The following SCN1A variants were observed in gnomAD, a reference collection of about 807,000 sequenced individuals.
SCN1A encodes sodium channel protein type 1 subunit alpha.
Under a neutral mutation model 193.7 loss-of-function variants are expected in SCN1A, and 13 were observed. The observed-to-expected ratio is 0.07, with a 90% CI of 0.04 to 0.11. The LOEUF is 0.11. SCN1A is among the 10% of genes least tolerant of loss of function. SCN1A has a pLI of 1.00. For missense variants in SCN1A, 1,432 were observed against 2,451.1 expected, an observed-to-expected ratio of 0.58 and a Z score of 8.78; for synonymous variants, 781 against 843.6, an observed-to-expected ratio of 0.93 and a Z score of 1.29.
At chr2:166,107,518 G>T (rs1688827704) in intron 2 of SCN1A, among the ~76,000 whole-genome samples, 1 of 152,050 alleles carries the variant, frequency 6.6e-6, no homozygotes, top group Non-Finnish European at 1.5e-5. Flanking sequence ...AACATTGTAT[G>T]GTAAATGTAA....
At chr2:166,108,823 G>T (rs1024080178) in intron 2 of SCN1A, among the ~76,000 whole-genome samples, 16 of 152,262 alleles carry the variant, frequency 1.1e-4, no homozygotes, top group African/African-American at 3.1e-4. Flanking sequence ...GTGACTACAA[G>T]TGGGCATCAA....
At chr2:166,048,242 T>G (rs1698087751) in intron 10 of SCN1A, among the ~76,000 whole-genome samples, 1 of 152,084 alleles carries the variant, frequency 6.6e-6, no homozygotes, top group Admixed American at 6.6e-5. Context: ...CATGTACAGG[T>G]TTGTTATATA....
intron 1 of SCN1A, among the ~76,000 whole-genome samples, chr2:166,145,088 G>A (rs1692255709): frequency 6.6e-6 from 1 of 151,078 alleles, no homozygotes; most frequent in Non-Finnish European, 1.5e-5. Context: ...TGCCAGCCTT[G>A]GTCTCCCAAA....
At position 165,991,778 on chromosome 2, in the gene SCN1A, C is replaced by T; in HGVS notation, c.5497G>A (p.Ala1833Thr). ...AGATTGAGAGGCGGTTCAAGCGCAG[C>T]TGCAAACTGAGATAATTTTTCAAAT... Reference protein sequence around the residue: ...MEFEKLSQFAAALEPPLNLPQ... With the variant: ...MEFEKLSQFATALEPPLNLPQ... The change falls in exon 29 of 29, where the codon GCT becomes ACT. Residue 1833 changes from alanine to threonine, a missense_variant. By Grantham distance (58) the Ala-to-Thr change is moderately conservative. Transcript: ENST00000674923. 1 of 1,613,954 alleles carries T rather than the reference C, an allele frequency of 6.2e-7. No homozygotes were observed. Among genetic ancestry groups the T allele is most frequent in the Non-Finnish European group, 8.5e-7 (1 of 1,179,936 alleles).
At chr2:166,146,203 A>G (rs1692314935) in intron 1 of SCN1A, among the ~76,000 whole-genome samples, 7 of 152,140 alleles carry the variant, frequency 4.6e-5, no homozygotes, top group Admixed American at 4.6e-4. Flanking sequence ...TTGGACTTCC[A>G]CTGACTGTGG....
At chr2:166,045,017 C>G (rs745365392) in intron 13 of SCN1A, 26 bp downstream of exon 13, 17 of 1,612,448 alleles carry the variant, frequency 1.1e-5, no homozygotes, top group Non-Finnish European at 1.2e-5. Flanking sequence ...TTCAACCATG[C>G]ATCAGTAAAC....
In SCN1A at chr2:166,047,748, A is replaced by G. The variant is rs1283627130; in HGVS notation, c.1049T>C (p.Met350Thr). The change falls in exon 11 of 29, where the codon ATG becomes ACG. Residue 350 changes from methionine to threonine, a missense_variant. By Grantham distance (81) the Met-to-Thr change is moderately conservative. Around this residue, in one of 18 missense-constraint regions of SCN1A, gnomAD observed 11 missense variants for 70.9 expected, o/e 0.16. Coordinates refer to ENST00000674923, the MANE Select transcript of SCN1A (RefSeq NM_001165963.4). The part of the protein sequence containing the change: ...SDAGQCPEGY[M>T]CVKAGRNPNY... ...GGGATTTCTACCAGCTTTCACACAC[A>G]TATATCCCTCTGGACATTGGCTGCA... 3.7e-6 allele frequency: 6 copies of G among 1,613,592 alleles called. No homozygotes were observed. The East Asian group carries it at 8.9e-5, about 24-fold the overall frequency.
At chr2:166,026,648 A>G (rs1694798887) in intron 19 of SCN1A, among the ~76,000 whole-genome samples, 1 of 149,540 alleles carries the variant, frequency 6.7e-6, no homozygotes, top group Non-Finnish European at 1.5e-5. Flanking sequence ...ACTGTTTTAG[A>G]GATTAATGGA....
intron 2 of SCN1A, among the ~76,000 whole-genome samples, chr2:166,124,284 C>G (rs6724360): frequency 0.024 from 3,625 of 151,736 alleles, 319 homozygotes; most frequent in Admixed American, 0.16. Context: ...TGTGATGGCT[C>G]ACTCCTGTAA....
At chr2:166,064,936 T>A (rs1457609820) in intron 4 of SCN1A, among the ~76,000 whole-genome samples, 1 of 152,210 alleles carries the variant, frequency 6.6e-6, no homozygotes, top group Non-Finnish European at 1.5e-5. Flanking sequence ...AATTTATCCT[T>A]TAGCTTCAAA....
At position 166,047,748 on chromosome 2, in the gene SCN1A, A is replaced by T. The variant is rs1283627130; in HGVS notation, c.1049T>A (p.Met350Lys). The T allele has an allele frequency of 5.0e-6, 8 of 1,613,474 alleles. No homozygotes were observed. The highest frequency in any genetic ancestry group is 6.8e-6 in the Non-Finnish European group (8 of 1,179,636). ...GGGATTTCTACCAGCTTTCACACAC[A>T]TATATCCCTCTGGACATTGGCTGCA... Reference protein sequence around the residue: ...SDAGQCPEGYMCVKAGRNPNY... With the variant: ...SDAGQCPEGYKCVKAGRNPNY... Residue 350 changes from methionine to lysine, a missense_variant, in exon 11 of 29, where the codon ATG becomes AAG. Transcript: ENST00000674923.
At chr2:166,095,455 T>C (rs988285065) in intron 2 of SCN1A, among the ~76,000 whole-genome samples, 14 of 152,222 alleles carry the variant, frequency 9.2e-5, no homozygotes, top group African/African-American at 3.4e-4. Context: ...CCTTTGTCAT[T>C]GTACAAGCCA....
intron 2 of SCN1A, among the ~76,000 whole-genome samples, chr2:166,079,462 G>A (rs111942271): frequency 0.012 from 1,707 of 143,896 alleles, 37 homozygotes; most frequent in African/African-American, 0.039. Context: ...CCATCAATTC[G>A]GTTTCATCCT....
At chr2:166,006,747 A>T (rs1252543404) in intron 23 of SCN1A, among the ~76,000 whole-genome samples, 1 of 151,348 alleles carries the variant, frequency 6.6e-6, no homozygotes, top group African/African-American at 2.4e-5. Context: ...TGAAACCTGA[A>T]ATATTGCACC....
At chr2:166,056,282 C>G in intron 6 of SCN1A, 129 bp downstream of exon 6, 2 of 679,884 alleles carry the variant, frequency 2.9e-6, no homozygotes, top group Non-Finnish European at 5.3e-6. Context: ...GCATTGTCCT[C>G]TTGCTGCGTA....
chr2:166,136,223 A>G (rs1691850659), intron 1 of SCN1A, among the ~76,000 whole-genome samples: 1 of 152,134 alleles, frequency 6.6e-6, no homozygotes. Context: ...TAAAGTAGGT[A>G]AGGACACCTT....
intron 7 of SCN1A, chr2:166,053,208 T>A (rs545986334): frequency 2.6e-5 from 17 of 660,274 alleles, no homozygotes; most frequent in Admixed American, 8.2e-5. Flanking sequence ...AAAGACCTTC[T>A]TGGTGATTTT....
chr2:166,037,599 C>T (rs1303727419), intron 18 of SCN1A, among the ~76,000 whole-genome samples, 177 bp downstream of exon 18: 1 of 87,042 alleles, frequency 1.1e-5, no homozygotes, highest in Non-Finnish European at 2.2e-5. Flanking sequence ...GACTTTTAAA[C>T]CAATAATCAT....
At chr2:166,095,666 C>G (rs1285022999) in intron 2 of SCN1A, among the ~76,000 whole-genome samples, 3 of 152,166 alleles carry the variant, frequency 2.0e-5, no homozygotes, top group Non-Finnish European at 4.4e-5. Flanking sequence ...ATAGTTTGTT[C>G]TTGGTTCAAA....
Sources: gnomAD v4.1 joint callset for allele counts (sites outside exome capture counted in the v4.1 genomes callset) on GRCh38, gnomAD v4.1.1 for gene constraint, gnomAD v4.1.1 regional missense constraint, MANE v1.5 for transcripts, NCBI Gene and HGNC (gene_info 2026-07-23, HGNC 2026-07-21) for gene names.